AKT2: variants seen among roughly 807,000 people sequenced by gnomAD.
AKT2 encodes the protein RAC-beta serine/threonine-protein kinase.
In AKT2, 16 loss-of-function variants were observed where a neutral mutation model predicts 58.6. That is an observed-to-expected ratio of 0.27 (90% confidence interval 0.18 to 0.41). The LOEUF (loss-of-function observed/expected upper bound fraction) is 0.41. Ranked by LOEUF, AKT2 falls within the 10% of genes least tolerant of loss-of-function variation. The pLI, the probability that AKT2 is intolerant of heterozygous loss-of-function variation, is 1.00. For synonymous variants in AKT2, 253 were observed against 254.0 expected, an observed-to-expected ratio of 1.00 and a Z score of 0.04; for missense variants, 438 against 661.0, an observed-to-expected ratio of 0.66 and a Z score of 3.70.
chr19:40,244,595 G>A (rs373320661), intron 4 of AKT2, among the ~76,000 whole-genome samples: 2 of 152,072 alleles, frequency 1.3e-5, no homozygotes, highest in East Asian at 1.9e-4. Flanking sequence ...TGAACCCCCC[G>A]TGTATTTTGC....
In AKT2 at chr19:40,285,336, C is replaced by A. The variant is rs1164657899; in HGVS notation, c.-240G>T. 4 of 393,222 alleles carry A rather than the reference C, an allele frequency of 1.0e-5. No individual in the cohort carries two copies. The highest frequency in any genetic ancestry group is 1.8e-5 in the Non-Finnish European group (4 of 222,592). The allele number at this position is 393,222 out of a possible 1,614,324, so 24.4% of individuals were successfully genotyped here. On this transcript the variant is annotated 5_prime_UTR_variant, in exon 1 of 14. Transcript: ENST00000392038. ...GCCTCCTCCGAGGCAGGCCCAACGG[C>A]TAGCACGGCGCGGCCCCCCCCGCCC... is the stretch of plus-strand genomic sequence containing the variant.
In AKT2 at chr19:40,235,244, G is replaced by A. The variant is rs1343269462; in HGVS notation, c.1263+19C>T. 2 of 1,614,002 alleles carry A rather than the reference G, an allele frequency of 1.2e-6. No individual in the cohort carries two copies. The highest frequency in any genetic ancestry group is 1.1e-5 in the South Asian group (1 of 91,070). On this transcript the variant is annotated intron_variant, in intron 12 of 13. Coordinates refer to ENST00000392038, the MANE Select transcript of AKT2 (RefSeq NM_001626.6). The surrounding 1 kb of genome is among the most constrained non-coding windows in gnomAD (Gnocchi z 6.3). Reference sequence around the variant, plus strand: ...GCCAGGTCCCTGAGGGTCCTGCTGGGGCAAGCAGTGGGGCTCACCTTCTTC... The same window carrying A: ...GCCAGGTCCCTGAGGGTCCTGCTGGAGCAAGCAGTGGGGCTCACCTTCTTC...
intron 4 of AKT2, among the ~76,000 whole-genome samples, chr19:40,254,576 C>T (rs1460357230): frequency 6.6e-6 from 1 of 151,820 alleles, no homozygotes; most frequent in Non-Finnish European, 1.5e-5. Context: ...ACCTGTAATC[C>T]CAGCATTTTG....
chr19:40,239,115 T>C, intron 7 of AKT2, 142 bp from the exon 8 acceptor site: 1 of 702,046 alleles, frequency 1.4e-6, no homozygotes, highest in African/African-American at 1.8e-5. Flanking sequence ...CCATATGGGG[T>C]TCACATACCG....
At chr19:40,264,127 G>A (rs1197547140) in intron 2 of AKT2, among the ~76,000 whole-genome samples, 2 of 152,170 alleles carry the variant, frequency 1.3e-5, no homozygotes, top group Admixed American at 6.5e-5. Flanking sequence ...AACAGCGCCT[G>A]GCCCACAGGC....
At position 40,275,951 on chromosome 19, in the gene AKT2, G is replaced by A. The variant is rs531899805; in HGVS notation, c.-85+9230C>T. Among the ~76,000 whole-genome samples the A allele has an allele frequency of 9.3e-5, 14 of 150,970 alleles. No homozygotes were observed. The South Asian group carries it at 2.5e-3, about 27-fold the overall frequency. On this transcript the variant is annotated intron_variant, in intron 1 of 13. Coordinates refer to ENST00000392038, the MANE Select transcript of AKT2 (RefSeq NM_001626.6). ...CGCTTGAACCCGGGAGGCGGCGGTT[G>A]TAGTGAGACAAGATCACACCACTGC...
chr19:40,250,903 T>C (rs1432485007), intron 4 of AKT2, among the ~76,000 whole-genome samples: 3 of 152,102 alleles, frequency 2.0e-5, no homozygotes, highest in Non-Finnish European at 4.4e-5. Context: ...TGCAAACTTT[T>C]TCCATCAAGG....
In AKT2 at chr19:40,242,846, A is replaced by G; in HGVS notation, c.288-159T>C. 1.3e-6 allele frequency: 1 copy of G among 792,470 alleles called. No homozygotes were observed. The allele number at this position is 792,470 out of a possible 1,614,324, so 49.1% of individuals were successfully genotyped here. A position where few individuals can be genotyped will look rare whatever the true frequency, so the allele number is the denominator to read the frequency against. ...ATCTGTCAGAACCAGAGAGAGCTGA[A>G]GGGACCTGAGTGAAATTCCACGCCA... On this transcript the variant is annotated intron_variant, in intron 4 of 13. Coordinates refer to ENST00000392038, the MANE Select transcript of AKT2 (RefSeq NM_001626.6). The surrounding 1 kb of genome is among the most constrained non-coding windows in gnomAD (Gnocchi z 4.3).
chr19:40,272,805 C>T (rs546400179), intron 1 of AKT2, among the ~76,000 whole-genome samples: 30 of 152,192 alleles, frequency 2.0e-4, no homozygotes, highest in African/African-American at 7.0e-4. Context: ...AGAGTGGGTG[C>T]GGGAGGCAAG....
At chr19:40,277,079 G>T (rs2077339816) in intron 1 of AKT2, among the ~76,000 whole-genome samples, 2 of 152,074 alleles carry the variant, frequency 1.3e-5, no homozygotes, top group Non-Finnish European at 2.9e-5. Flanking sequence ...GGGTTGTCCT[G>T]GGGACCCAAT....
chr19:40,274,790 G>C (rs2077280080), intron 1 of AKT2: 1 of 339,438 alleles, frequency 2.9e-6, no homozygotes, highest in South Asian at 2.3e-5. Flanking sequence ...GGGAGATGTA[G>C]CTAGAGGAAG....
intron 2 of AKT2, among the ~76,000 whole-genome samples, chr19:40,261,378 C>A (rs1469987671): frequency 1.3e-5 from 2 of 151,628 alleles, no homozygotes; most frequent in African/African-American, 4.8e-5. Context: ...ACTAATAATA[C>A]AAAAATTAGC....
Position 40,271,226 on chromosome 19 carries a change from T to TATAC in AKT2, c.-84-5876_-84-5875insGTAT, listed in dbSNP as rs1257118107. The stretch of plus-strand genomic sequence containing the variant: ...ATACATACATACATATATATATATA[T>TATAC]ACACACATATATATGTATATATACA... On this transcript the variant is annotated intron_variant, in intron 1 of 13. Coordinates refer to ENST00000392038, the MANE Select transcript of AKT2 (RefSeq NM_001626.6). Among the ~76,000 whole-genome samples the TATAC allele has an allele frequency of 5.0e-3, 724 of 144,252 alleles. 4 individuals are homozygous for TATAC. Among genetic ancestry groups the TATAC allele is most frequent in the African/African-American group, 0.014 (546 of 38,848 alleles). The allele number at this position is 144,252 out of a possible 152,430, so 94.6% of individuals were successfully genotyped here.
intron 2 of AKT2, among the ~76,000 whole-genome samples, chr19:40,260,225 G>C (rs1483923131): frequency 1.3e-5 from 2 of 152,000 alleles, no homozygotes; most frequent in Non-Finnish European, 2.9e-5. Flanking sequence ...CCCAAGGATG[G>C]CTGTAATGAA....
chr19:40,284,154 G>A (rs1255145081), intron 1 of AKT2, among the ~76,000 whole-genome samples: 3 of 152,146 alleles, frequency 2.0e-5, no homozygotes, highest in South Asian at 4.1e-4. Context: ...CTCCAAATGA[G>A]AGGAAGAGGT....
Position 40,233,063 on chromosome 19 carries a change from G to A in AKT2, c.*809C>T, listed in dbSNP as rs536107592. ...AGCCCAGCCCATAGCCCCCAGTGGG[G>A]CCAGGCCAGGCCCAGGGTCCAGCGG... On this transcript the variant is annotated 3_prime_UTR_variant, in exon 14 of 14. Transcript: ENST00000392038. The surrounding 1 kb of genome is among the most constrained non-coding windows in gnomAD (Gnocchi z 4.3). The A allele has an allele frequency of 8.5e-6, 2 of 236,626 alleles. No individual in the cohort carries two copies. Among genetic ancestry groups the A allele is most frequent in the Non-Finnish European group, 1.7e-5 (2 of 120,538 alleles). 14.7% of individuals were successfully genotyped at this position (236,626 alleles called of 1,614,324 possible).
chr19:40,281,003 T>C (rs961304462), intron 1 of AKT2, among the ~76,000 whole-genome samples: 4 of 152,224 alleles, frequency 2.6e-5, no homozygotes, highest in African/African-American at 9.6e-5. Context: ...CGCTGGCACA[T>C]ACGAGGTGTT....
chr19:40,263,790 C>T lies in AKT2; in HGVS notation c.46+1432G>A, dbSNP rs145732476. On this transcript the variant is annotated intron_variant, in intron 2 of 13. Transcript: ENST00000392038. ...GCGTGGCTCTTCCCGATGCCTGCAG[C>T]GCCAGCTTCCTGCCCCCTCTTTGAA... Among the ~76,000 whole-genome samples, 445 of 152,302 alleles carry T rather than the reference C, an allele frequency of 2.9e-3. 3 individuals carry two copies. The highest frequency in any genetic ancestry group is 1.0e-2 in the African/African-American group (415 of 41,570).
At position 40,234,644 on chromosome 19, in the gene AKT2, C is replaced by G. The variant is rs1291059727; in HGVS notation, c.1366+401G>C. ...CTCCCACGCCCTAGCCCTGACCACT[C>G]CAGGCCGCCCACCCTACCTGGGCTG... On this transcript the variant is annotated intron_variant, in intron 13 of 13. Coordinates refer to ENST00000392038, the MANE Select transcript of AKT2 (RefSeq NM_001626.6). This position sits in a 1 kb window ranked among gnomAD's most constrained non-coding sequence, Gnocchi z 4.7. The G allele has an allele frequency of 1.8e-6, 1 of 553,614 alleles. No individual in the cohort carries two copies. Among genetic ancestry groups the G allele is most frequent in the Non-Finnish European group, 3.2e-6 (1 of 314,420 alleles). The allele number at this position is 553,614 out of a possible 1,614,324, so 34.3% of individuals were successfully genotyped here.
Sources: gnomAD v4.1 joint callset for allele counts (sites outside exome capture counted in the v4.1 genomes callset) on GRCh38, gnomAD v4.1.1 for gene constraint, Gnocchi (gnomAD v3.1) non-coding constraint, MANE v1.5 for transcripts, NCBI Gene and HGNC (gene_info 2026-07-23, HGNC 2026-07-21) for gene names.